Variants in HPSE2 observed in about 807,000 individuals in gnomAD.
HPSE2 encodes heparanase 2 (inactive), also known as inactive heparanase-2.
A neutral mutation model predicts 60.5 loss-of-function variants in HPSE2; 38 were observed. The observed-to-expected ratio is 0.63, with a 90% CI of 0.48 to 0.82. The LOEUF (loss-of-function observed/expected upper bound fraction) is 0.82. Ranked by LOEUF, HPSE2 falls within the 40% of genes least tolerant of loss-of-function variation. The pLI is 0.00. For missense variants in HPSE2, 713 were observed against 740.4 expected, an observed-to-expected ratio of 0.96 and a Z score of 0.43; for synonymous variants, 295 against 293.2, an observed-to-expected ratio of 1.01 and a Z score of -0.06.
chr10:98,466,842 A>T (rs1157798894), intron 11 of HPSE2, among the ~76,000 whole-genome samples: 1 of 152,146 alleles, frequency 6.6e-6, no homozygotes, highest in African/African-American at 2.4e-5. Context: ...CAGAAATCTG[A>T]CCATGATATT....
chr10:98,515,637 C>G (rs1942577846), intron 9 of HPSE2, among the ~76,000 whole-genome samples: 1 of 152,126 alleles, frequency 6.6e-6, no homozygotes, highest in Admixed American at 6.5e-5. Flanking sequence ...TAGTTGTTAT[C>G]TCTGGGTAGC....
intron 3 of HPSE2, among the ~76,000 whole-genome samples, chr10:99,127,720 G>A (rs533887795): frequency 4.6e-5 from 7 of 152,266 alleles, no homozygotes; most frequent in African/African-American, 1.7e-4. Context: ...CAAGACACAG[G>A]AAAGAATCTT....
intron 3 of HPSE2, among the ~76,000 whole-genome samples, chr10:98,822,534 T>C (rs1951448789): frequency 6.6e-6 from 1 of 152,066 alleles, no homozygotes; most frequent in Non-Finnish European, 1.5e-5. Flanking sequence ...TGTAGGATGA[T>C]TAGAAAATAA....
intron 3 of HPSE2, among the ~76,000 whole-genome samples, chr10:99,063,004 G>C (rs1212424400): frequency 4.6e-5 from 7 of 152,036 alleles, no homozygotes; most frequent in Non-Finnish European, 1.0e-4. Flanking sequence ...ACTTTCCCTT[G>C]TCATGGTGTG....
intron 2 of HPSE2, among the ~76,000 whole-genome samples, chr10:99,217,576 T>TA (rs34295003): frequency 6.6e-6 from 1 of 151,578 alleles, no homozygotes; most frequent in Non-Finnish European, 1.5e-5. Flanking sequence ...GACCCAGTTT[T>TA]TTTGTTGTTG....
At chr10:99,257,441 C>T in the HPSE2 span, among the ~76,000 whole-genome samples, 408 of 152,176 alleles carry the variant, frequency 2.7e-3, 2 homozygotes, top group African/African-American at 9.2e-3. Flanking sequence ...CTAAAATGGC[C>T]GCTTCGGGGG....
rs954271716 is a variant in HPSE2, at chr10:99,107,294, G to T, written c.610+36944C>A. ...CAGAGTATTTAAACCTTCCCTTAAA[G>T]AAACTTTCCTTTAGTTATGAAAGAT... On this transcript the variant is annotated intron_variant, in intron 3 of 11. Transcript: ENST00000370552. Among the ~76,000 whole-genome samples, 7 of 152,098 alleles carry T rather than the reference G, an allele frequency of 4.6e-5. No individual in the cohort carries two copies. The East Asian group carries it at 1.3e-3, about 29-fold the overall frequency.
At chr10:98,985,772 G>A (rs1052096007) in intron 3 of HPSE2, among the ~76,000 whole-genome samples, 5 of 151,934 alleles carry the variant, frequency 3.3e-5, no homozygotes, top group African/African-American at 4.8e-5. Context: ...ACACACATAG[G>A]CACAAAATAA....
chr10:98,703,325 C>A (rs1948461174), intron 5 of HPSE2, among the ~76,000 whole-genome samples: 1 of 152,188 alleles, frequency 6.6e-6, no homozygotes, highest in African/African-American at 2.4e-5. Context: ...TAGGACCAGA[C>A]AGATCACAGC....
chr10:99,041,082 A>C (rs1327318471), intron 3 of HPSE2, among the ~76,000 whole-genome samples: 1 of 149,248 alleles, frequency 6.7e-6, no homozygotes, highest in Non-Finnish European at 1.5e-5. Flanking sequence ...GCGAGACTCC[A>C]TCTCAAAAAA....
chr10:98,801,778 T>A (rs529940258), intron 3 of HPSE2, among the ~76,000 whole-genome samples: 25 of 152,300 alleles, frequency 1.6e-4, no homozygotes, highest in African/African-American at 6.0e-4. Flanking sequence ...CAGACCAATC[T>A]ACAGATTCAA....
intron 3 of HPSE2, among the ~76,000 whole-genome samples, chr10:99,037,615 T>C (rs917948458): frequency 1.3e-4 from 20 of 151,856 alleles, no homozygotes; most frequent in African/African-American, 4.6e-4. Context: ...GAATTGTGAT[T>C]TATAAGAAGG....
chr10:98,674,648 T>C (rs692913), intron 6 of HPSE2, among the ~76,000 whole-genome samples: 151,072 of 152,354 alleles, frequency 0.99, 74,911 homozygotes, highest in East Asian at 1. Flanking sequence ...GGCGCAATGA[T>C]TCAGGTCTGT....
intron 3 of HPSE2, among the ~76,000 whole-genome samples, chr10:98,884,311 A>C (rs1953105555): frequency 6.6e-6 from 1 of 152,172 alleles, no homozygotes; most frequent in East Asian, 1.9e-4. Context: ...AGTTCTCCAG[A>C]AGATCTAGCC....
chr10:98,555,665 T>C (rs948398952), intron 9 of HPSE2, among the ~76,000 whole-genome samples: 1 of 152,232 alleles, frequency 6.6e-6, no homozygotes, highest in Non-Finnish European at 1.5e-5. Flanking sequence ...ATAATGAACA[T>C]GTATAAAGTT....
intron 2 of HPSE2, among the ~76,000 whole-genome samples, chr10:99,194,384 A>G (rs1458053116): frequency 6.6e-6 from 1 of 151,922 alleles, no homozygotes; most frequent in African/African-American, 2.4e-5. Context: ...GCAAAAGCAA[A>G]CCAAACCCAA....
At chr10:98,472,787 T>C (rs1166776842) in intron 11 of HPSE2, among the ~76,000 whole-genome samples, 1 of 151,872 alleles carries the variant, frequency 6.6e-6, no homozygotes, top group South Asian at 2.1e-4. Flanking sequence ...TATTTAACTA[T>C]ATAAAAGGGA....
the HPSE2 span, among the ~76,000 whole-genome samples, chr10:99,310,486 T>G: frequency 1.3e-5 from 2 of 152,338 alleles, no homozygotes; most frequent in East Asian, 3.9e-4. Flanking sequence ...CATTGTAAAG[T>G]GTAAATAGTT....
chr10:98,886,007 G>C (rs1365367337), intron 3 of HPSE2, among the ~76,000 whole-genome samples: 1 of 151,974 alleles, frequency 6.6e-6, no homozygotes, highest in Non-Finnish European at 1.5e-5. Flanking sequence ...CATATTATCT[G>C]CCAAAAAATT....
Sources: allele counts gnomAD v4.1 joint callset (sites outside exome capture counted in the v4.1 genomes callset), GRCh38; gene constraint gnomAD v4.1.1; transcripts MANE v1.5; gene names NCBI Gene and HGNC (gene_info 2026-07-23, HGNC 2026-07-21).